Variants in TBC1D5 observed in about 807,000 individuals in gnomAD.
TBC1D5 encodes the protein TBC1 domain family member 5, also known as TBC1 domain family, member 5.
A neutral mutation model predicts 100.3 loss-of-function variants in TBC1D5; 75 were observed. The observed-to-expected ratio is 0.75, with a 90% CI of 0.62 to 0.91. The LOEUF (loss-of-function observed/expected upper bound fraction) is 0.91, where lower values mean the gene tolerates loss of function less well. Among genes scored for constraint, TBC1D5 ranks in the 40% least tolerant of loss-of-function variants. The pLI, the probability that TBC1D5 is intolerant of heterozygous loss-of-function variation, is 0.00. For missense variants in TBC1D5, 910 were observed against 942.4 expected (o/e 0.97, Z 0.45); for synonymous variants, 323 against 325.6 (o/e 0.99, Z 0.09).
chr3:17,330,146 CT>C (rs2086693216), intron 13 of TBC1D5, among the ~76,000 whole-genome samples: 1 of 152,128 alleles, frequency 6.6e-6, no homozygotes, highest in Admixed American at 6.5e-5. Flanking sequence ...CCTCAACTTC[CT>C]CCCCATCTAC....
chr3:17,720,638 C>T lies in TBC1D5; in HGVS notation c.-101+18705G>A, dbSNP rs1379954257. On this transcript the variant is annotated intron_variant, in intron 1 of 21. Transcript: ENST00000253692. ...GCTTGGGCAACATAGGGAGACCCTGCCTCTAAAACAAATTTTTTTTAGGTA... is the reference window on the plus strand; with the variant it reads ...GCTTGGGCAACATAGGGAGACCCTGTCTCTAAAACAAATTTTTTTTAGGTA... Among the ~76,000 whole-genome samples, 5 of 151,914 alleles carry T rather than the reference C, an allele frequency of 3.3e-5. No individual in the cohort carries two copies. The East Asian group carries it at 9.7e-4, about 29-fold the overall frequency.
intron 15 of TBC1D5, among the ~76,000 whole-genome samples, chr3:17,270,741 A>AG (rs538993573): frequency 2.0e-5 from 3 of 152,100 alleles, no homozygotes; most frequent in Non-Finnish European, 4.4e-5. Flanking sequence ...GGATTTTTAT[A>AG]GGCTGAGGTC....
intron 17 of TBC1D5, among the ~76,000 whole-genome samples, chr3:17,225,250 C>T (rs566613273): frequency 1.3e-5 from 2 of 151,704 alleles, no homozygotes; most frequent in Non-Finnish European, 2.9e-5. Flanking sequence ...ACCAGCCTGG[C>T]CAACATGGTG....
chr3:17,320,351 C>T (rs2085254047), intron 13 of TBC1D5, among the ~76,000 whole-genome samples: 1 of 152,196 alleles, frequency 6.6e-6, no homozygotes, highest in Non-Finnish European at 1.5e-5. Context: ...CTCATACCTA[C>T]TAAATCAGAA....
chr3:17,694,417 T>C (rs185775163), intron 1 of TBC1D5, among the ~76,000 whole-genome samples: 2 of 152,248 alleles, frequency 1.3e-5, no homozygotes, highest in African/African-American at 4.8e-5. Flanking sequence ...GTCATGGAGA[T>C]GAAAACCATG....
At chr3:17,641,621 T>C (rs2064515716) in intron 1 of TBC1D5, among the ~76,000 whole-genome samples, 1 of 152,164 alleles carries the variant, frequency 6.6e-6, no homozygotes, top group Non-Finnish European at 1.5e-5. Flanking sequence ...CTACTACTGC[T>C]ACTAATCTTC....
intron 2 of TBC1D5, among the ~76,000 whole-genome samples, chr3:17,541,364 G>C (rs996482625): frequency 2.6e-5 from 4 of 151,874 alleles, no homozygotes; most frequent in Non-Finnish European, 5.9e-5. Context: ...AAATTTATAT[G>C]GTTTATTTCA....
chr3:17,168,363 G>A (rs2066848167), intron 19 of TBC1D5, among the ~76,000 whole-genome samples: 1 of 152,204 alleles, frequency 6.6e-6, no homozygotes, highest in African/African-American at 2.4e-5. Context: ...GTCATTAGAT[G>A]ACAATGTCTA....
At chr3:17,409,051 G>C (rs2093851022) in intron 4 of TBC1D5, among the ~76,000 whole-genome samples, 1 of 152,106 alleles carries the variant, frequency 6.6e-6, no homozygotes, top group Admixed American at 6.6e-5. Context: ...TTAGCAATCA[G>C]TACATTACAG....
chr3:17,585,472 T>C (rs1309206548), intron 2 of TBC1D5, among the ~76,000 whole-genome samples: 1 of 152,190 alleles, frequency 6.6e-6, no homozygotes, highest in African/African-American at 2.4e-5. Context: ...GTGCTTATGT[T>C]CTTACTACAA....
At chr3:17,513,843 T>A (rs2095945803) in intron 2 of TBC1D5, among the ~76,000 whole-genome samples, 3 of 152,180 alleles carry the variant, frequency 2.0e-5, no homozygotes, top group Admixed American at 6.5e-5. Context: ...ACCAGAAATA[T>A]GACATATGGG....
At chr3:17,177,884 G>A (rs866062459) in intron 19 of TBC1D5, among the ~76,000 whole-genome samples, 1 of 152,010 alleles carries the variant, frequency 6.6e-6, no homozygotes, top group Admixed American at 6.6e-5. Context: ...TTTATTCTTT[G>A]TGTTACCATC....
exon 22 of TBC1D5, chr3:17,158,588 C>T (rs1453974555): frequency 1.3e-5 from 2 of 152,262 alleles, no homozygotes; most frequent in African/African-American, 4.8e-5. Context: ...TGTCTCTCTC[C>T]TCCAAGGAGG....
intron 19 of TBC1D5, among the ~76,000 whole-genome samples, chr3:17,183,738 AT>A (rs1315084164): frequency 3.3e-5 from 5 of 150,598 alleles, no homozygotes; most frequent in African/African-American, 4.8e-5. Context: ...TTAAGAGAAC[AT>A]TTATTATTTT....
chr3:17,716,381 G>C (rs768490034), intron 1 of TBC1D5, among the ~76,000 whole-genome samples: 1 of 151,136 alleles, frequency 6.6e-6, no homozygotes, highest in Non-Finnish European at 1.5e-5. Context: ...AATTTACTTA[G>C]TGGAGGGGAC....
rs113465892 is a variant in TBC1D5 at position 17,706,422 on chromosome 3, T to TAGACAC, written c.-101+32920_-101+32921insGTGTCT. On this transcript the variant is annotated intron_variant, in intron 1 of 21. Transcript: ENST00000253692. ...ATTGTCTCCTAGAATCAACTTTACT[T>TAGACAC]ACACACACACACACACACGCGCGCG... 3.3e-3 allele frequency among the ~76,000 whole-genome samples: 493 copies of TAGACAC among 151,422 alleles called. 4 individuals carry two copies. Among genetic ancestry groups the TAGACAC allele is most frequent in the African/African-American group, 0.011 (448 of 41,310 alleles).
chr3:17,376,361 A>G (rs1276931471), intron 10 of TBC1D5, among the ~76,000 whole-genome samples, 164 bp downstream of exon 10: 1 of 152,136 alleles, frequency 6.6e-6, no homozygotes, highest in Non-Finnish European at 1.5e-5. Flanking sequence ...TGGCCTAACA[A>G]CAATTAAGTA....
At chr3:17,584,469 G>C (rs2096719931) in intron 2 of TBC1D5, among the ~76,000 whole-genome samples, 1 of 152,058 alleles carries the variant, frequency 6.6e-6, no homozygotes, top group East Asian at 1.9e-4. Context: ...ACTTCGGAAG[G>C]CTCTTAGAAA....
intron 3 of TBC1D5, among the ~76,000 whole-genome samples, chr3:17,458,744 C>A (rs2095143005): frequency 6.6e-6 from 1 of 152,166 alleles, no homozygotes; most frequent in African/African-American, 2.4e-5. Context: ...CATTGTTTTA[C>A]ATTTGGGAGT....
Sources: gnomAD v4.1 joint callset for allele counts (sites outside exome capture counted in the v4.1 genomes callset) on GRCh38, gnomAD v4.1.1 for gene constraint, MANE v1.5 for transcripts, NCBI Gene and HGNC (gene_info 2026-07-23, HGNC 2026-07-21) for gene names.